Variants in KCNK13 observed in about 807,000 individuals in gnomAD.
KCNK13 encodes potassium two pore domain channel subfamily K member 13, also known as potassium channel subfamily K member 13.
A neutral mutation model predicts 23.4 loss-of-function variants in KCNK13; 12 were observed. The ratio of observed to expected loss-of-function variants is 0.51; its 90% CI spans 0.33 to 0.83. The LOEUF (loss-of-function observed/expected upper bound fraction) is 0.83, where lower values mean the gene tolerates loss of function less well. Ranked by LOEUF, KCNK13 falls within the 40% of genes least tolerant of loss-of-function variation. KCNK13 has a pLI of 0.02. For missense variants in KCNK13, 463 were observed against 556.3 expected (o/e 0.83, Z 1.69); for synonymous variants, 231 against 229.5 (o/e 1.01, Z -0.06).
At chr14:90,098,137 AT>A (rs1371930297) in intron 1 of KCNK13, among the ~76,000 whole-genome samples, 1 of 152,226 alleles carries the variant, frequency 6.6e-6, no homozygotes, top group African/African-American at 2.4e-5. Context: ...TGGGTTCCTC[AT>A]AGACTTTAAA....
chr14:90,116,190 C>G (rs1301572261), intron 1 of KCNK13, among the ~76,000 whole-genome samples: 4 of 152,144 alleles, frequency 2.6e-5, no homozygotes, highest in Admixed American at 6.5e-5. Context: ...CATAACCACA[C>G]AGATAGAAAC....
chr14:90,093,357 T>C (rs557157883), intron 1 of KCNK13, among the ~76,000 whole-genome samples: 4 of 152,184 alleles, frequency 2.6e-5, no homozygotes, highest in Non-Finnish European at 5.9e-5. Context: ...CCAGCATTGA[T>C]GAAGAAAATT....
In KCNK13 at chr14:90,174,295, A is replaced by T. The variant is rs145302362; in HGVS notation, c.335-9816A>T. On this transcript the variant is annotated intron_variant, in intron 1 of 1. Transcript: ENST00000282146. ...ACTGCACCCCAGCCTGGGCAACAAG[A>T]GCGAGACTCTGTCTGAAAGACAATA... Among the ~76,000 whole-genome samples, 257 of 152,180 alleles carry T rather than the reference A, an allele frequency of 1.7e-3. 2 individuals carry two copies. The highest frequency in any genetic ancestry group is 5.9e-3 in the African/African-American group (243 of 41,510).
At chr14:90,079,658 A>G (rs1000233922) in intron 1 of KCNK13, among the ~76,000 whole-genome samples, 2 of 152,248 alleles carry the variant, frequency 1.3e-5, no homozygotes, top group African/African-American at 4.8e-5. Flanking sequence ...CAGAAATTCC[A>G]GTTACTTCCC....
chr14:90,179,307 A>G (rs988101733), intron 1 of KCNK13, among the ~76,000 whole-genome samples: 4 of 150,786 alleles, frequency 2.7e-5, no homozygotes, highest in East Asian at 2.0e-4. Context: ...GAAAAATATC[A>G]TAATACAAAG....
rs552391193 is a variant in KCNK13 at position 90,122,432 on chromosome 14, C to A, written c.334+59893C>A. 1.6e-3 allele frequency among the ~76,000 whole-genome samples: 238 copies of A among 152,016 alleles called. 1 individual carries two copies. Among genetic ancestry groups the A allele is most frequent in the Middle Eastern group, 6.8e-3 (2 of 294 alleles). On this transcript the variant is annotated intron_variant, in intron 1 of 1. Coordinates refer to ENST00000282146, the MANE Select transcript of KCNK13 (RefSeq NM_022054.4). ...TCCTGGGTTCAAGCGATTCTCCTGC[C>A]TCAGCCTCAGCCTCAGGCTGAGAAT...
intron 1 of KCNK13, among the ~76,000 whole-genome samples, chr14:90,176,835 C>T (rs936144966): frequency 3.9e-5 from 6 of 152,066 alleles, no homozygotes; most frequent in South Asian, 4.1e-4. Flanking sequence ...TCCTGGCCAA[C>T]GTGGTGAAAC....
chr14:90,132,196 T>C (rs1047474213), intron 1 of KCNK13, among the ~76,000 whole-genome samples: 1 of 151,364 alleles, frequency 6.6e-6, no homozygotes, highest in African/African-American at 2.4e-5. Context: ...GGACAAAGAG[T>C]GTGTAATTCC....
chr14:90,089,067 C>A (rs2140399825), intron 1 of KCNK13, among the ~76,000 whole-genome samples: 1 of 152,242 alleles, frequency 6.6e-6, no homozygotes, highest in East Asian at 1.9e-4. Flanking sequence ...AAATTGATAC[C>A]AGTAGAGTGG....
chr14:90,157,721 A>G, intron 1 of KCNK13, among the ~76,000 whole-genome samples: 1 of 23,080 alleles, frequency 4.3e-5, no homozygotes, highest in Admixed American at 4.1e-4. Flanking sequence ...TTTTTTTTTC[A>G]GACAGAGTCT....
intron 1 of KCNK13, among the ~76,000 whole-genome samples, chr14:90,068,411 A>G (rs1450974248): frequency 6.6e-6 from 1 of 152,108 alleles, no homozygotes; most frequent in Non-Finnish European, 1.5e-5. Flanking sequence ...CCTGGCCAAC[A>G]TGGCGAAACC....
At chr14:90,111,677 A>T (rs1394251573) in intron 1 of KCNK13, among the ~76,000 whole-genome samples, 1 of 152,168 alleles carries the variant, frequency 6.6e-6, no homozygotes, top group East Asian at 1.9e-4. Context: ...TCGTCTCTAG[A>T]TGCAGAATGT....
chr14:90,146,548 C>A (rs867303148), intron 1 of KCNK13, among the ~76,000 whole-genome samples: 3 of 152,078 alleles, frequency 2.0e-5, no homozygotes, highest in Middle Eastern at 3.4e-3. Flanking sequence ...ACTCCTGACC[C>A]CAGGTGATCC....
At chr14:90,171,124 A>G (rs1890360312) in intron 1 of KCNK13, among the ~76,000 whole-genome samples, 1 of 152,182 alleles carries the variant, frequency 6.6e-6, no homozygotes, top group Non-Finnish European at 1.5e-5. Flanking sequence ...CGTGTCACCA[A>G]TCCCTACAGC....
At position 90,085,747 on chromosome 14, in the gene KCNK13, T is replaced by G. The variant is rs181600202; in HGVS notation, c.334+23208T>G. Among the ~76,000 whole-genome samples, 361 of 134,022 alleles carry G rather than the reference T, an allele frequency of 2.7e-3. 3 individuals carry two copies. The highest frequency in any genetic ancestry group is 9.6e-3 in the African/African-American group (347 of 36,202). The allele number at this position is 134,022 out of a possible 152,430, so 87.9% of individuals were successfully genotyped here. Reference sequence around the variant, plus strand: ...ATATAATATATATATACTTATATAATTATATATTATATATTATATAAATTA... The same window carrying G: ...ATATAATATATATATACTTATATAAGTATATATTATATATTATATAAATTA... On this transcript the variant is annotated intron_variant, in intron 1 of 1. Coordinates refer to ENST00000282146, the MANE Select transcript of KCNK13 (RefSeq NM_022054.4).
chr14:90,176,539 G>A (rs1383473936), intron 1 of KCNK13, among the ~76,000 whole-genome samples: 1 of 152,004 alleles, frequency 6.6e-6, no homozygotes, highest in Non-Finnish European at 1.5e-5. Context: ...TTCTTTTGTA[G>A]TTTCATCCCA....
At chr14:90,076,391 C>G (rs1230732858) in intron 1 of KCNK13, among the ~76,000 whole-genome samples, 2 of 152,286 alleles carry the variant, frequency 1.3e-5, no homozygotes, top group African/African-American at 4.8e-5. Flanking sequence ...GCTCATAAAA[C>G]AGAAATTGTA....
intron 1 of KCNK13, among the ~76,000 whole-genome samples, chr14:90,142,204 A>G (rs909435023): frequency 4.6e-5 from 7 of 151,942 alleles, no homozygotes; most frequent in African/African-American, 1.7e-4. Flanking sequence ...GAATTGCACA[A>G]TATATGTTCT....
intron 1 of KCNK13, among the ~76,000 whole-genome samples, chr14:90,113,384 C>A (rs1889638404): frequency 6.6e-6 from 1 of 152,068 alleles, no homozygotes; most frequent in Admixed American, 6.6e-5. Flanking sequence ...TTCATAAAGA[C>A]AAAACAAAAA....
Sources: gnomAD v4.1 joint callset for allele counts (sites outside exome capture counted in the v4.1 genomes callset) on GRCh38, gnomAD v4.1.1 for gene constraint, MANE v1.5 for transcripts, NCBI Gene and HGNC (gene_info 2026-07-23, HGNC 2026-07-21) for gene names.